ZNF507: variants seen among roughly 807,000 people sequenced by gnomAD.
ZNF507 encodes the protein zinc finger protein 507.
A neutral mutation model predicts 80.0 loss-of-function variants in ZNF507; 29 were observed. The observed-to-expected ratio is 0.36, with a 90% confidence interval of 0.27 to 0.49. The LOEUF (loss-of-function observed/expected upper bound fraction) is 0.49. Ranked by LOEUF, ZNF507 falls within the 20% of genes least tolerant of loss-of-function variation. The pLI is 0.98. For missense variants in ZNF507, 1,081 were observed against 1,152.2 expected (o/e 0.94, Z 0.90); for synonymous variants, 462 against 422.5 (o/e 1.09, Z -1.15).
chr19:32,354,830 A>G lies in ZNF507; in HGVS notation c.2000A>G (p.Gln667Arg). The change falls in exon 3 of 7, where the codon CAG becomes CGG. Residue 667 changes from glutamine to arginine, a missense_variant. This residue lies in a region of ZNF507 where 614 missense variants were observed against 583.9 expected (regional missense o/e 1.05). Transcript: ENST00000355898. ...CACTTACGAGTCCATCGACAGAGAC[A>G]GCCTTATCAGTGTCCTATCTGCGAG... ...KQHLRVHRQR[Q>R]PYQCPICEHI... is the part of the protein sequence containing the mutation. The G allele has an allele frequency of 6.2e-7, 1 of 1,614,212 alleles. No individual in the cohort carries two copies. The highest frequency in any genetic ancestry group is 8.5e-7 in the Non-Finnish European group (1 of 1,180,024).
At chr19:32,355,562 C>T (rs1967240944) in intron 3 of ZNF507, among the ~76,000 whole-genome samples, 1 of 152,158 alleles carries the variant, frequency 6.6e-6, no homozygotes, top group African/African-American at 2.4e-5. Flanking sequence ...CTGACCTTAT[C>T]AAAACCAATA....
At position 32,354,051 on chromosome 19, in the gene ZNF507, A is replaced by G; in HGVS notation, c.1221A>G (p.Glu407=). Residue 407 remains glutamate (E), a synonymous_variant, in exon 3 of 7, where the codon GAA becomes GAG. Transcript: ENST00000355898. ...VIVERLPSAE[E]TLSQKRFLMN... ...TGGAGCGATTGCCAAGTGCTGAAGA[A>G]ACCCTTTCACAGAAGCGCTTCCTCA... The G allele has an allele frequency of 6.2e-7, 1 of 1,614,144 alleles. No homozygotes were observed. The highest frequency in any genetic ancestry group is 8.5e-7 in the Non-Finnish European group (1 of 1,180,032).
Position 32,384,198 on chromosome 19 carries a change from C to G in ZNF507, c.*1115C>G, listed in dbSNP as rs763780366. On this transcript the variant is annotated 3_prime_UTR_variant, in exon 7 of 7. Coordinates refer to ENST00000355898, the MANE Select transcript of ZNF507 (RefSeq NM_001136156.2). ...AGGTTGTTTGTAAAAATTTTAATAA[C>G]AAATAGCATTTGGCAAGTCTATAGG... The G allele has an allele frequency of 3.3e-5, 5 of 152,070 alleles. No homozygotes were observed. Among genetic ancestry groups the G allele is most frequent in the Non-Finnish European group, 7.4e-5 (5 of 68,008 alleles). 9.4% of individuals were successfully genotyped at this position (152,070 alleles called of 1,614,324 possible).
At chr19:32,355,968 C>T (rs1967246155) in intron 3 of ZNF507, among the ~76,000 whole-genome samples, 2 of 152,108 alleles carry the variant, frequency 1.3e-5, no homozygotes, top group Admixed American at 1.3e-4. Flanking sequence ...CGCTGCACTC[C>T]AGCCTGGGCA....
intron 4 of ZNF507, chr19:32,357,136 T>G (rs2145320977): frequency 6.4e-6 from 1 of 157,068 alleles, no homozygotes; most frequent in South Asian, 1.9e-4. Context: ...TAACTGGGGC[T>G]CCCCGCTGTG....
At chr19:32,356,566 G>GT in intron 3 of ZNF507, 50 bp from the exon 4 acceptor site, 1 of 1,345,988 alleles carries the variant, frequency 7.4e-7, no homozygotes. Context: ...CCTCCTAAGA[G>GT]TTGGACATGT....
At chr19:32,351,421 G>C (rs1044078061) in intron 2 of ZNF507, among the ~76,000 whole-genome samples, 1 of 99,488 alleles carries the variant, frequency 1.0e-5, no homozygotes, top group Non-Finnish European at 2.0e-5. Flanking sequence ...CTGGTCAGCT[G>C]TGTGTGTGTG....
chr19:32,360,819 T>A (rs1432383364), intron 5 of ZNF507, among the ~76,000 whole-genome samples: 1 of 152,192 alleles, frequency 6.6e-6, no homozygotes, highest in Non-Finnish European at 1.5e-5. Flanking sequence ...TTGCCCAGGC[T>A]GGAGTGCAGT....
At chr19:32,350,181 T>TAATA (rs1400954231) in intron 2 of ZNF507, among the ~76,000 whole-genome samples, 3 of 150,142 alleles carry the variant, frequency 2.0e-5, no homozygotes, top group African/African-American at 7.4e-5. Context: ...TATACTTTAT[T>TAATA]ATCAGCTGTT....
At chr19:32,380,495 G>T (rs1218696964) in intron 5 of ZNF507, 3 of 1,040,254 alleles carry the variant, frequency 2.9e-6, no homozygotes, top group East Asian at 5.2e-5. Flanking sequence ...TAAATTGGAG[G>T]TGGGTGAGAA....
At chr19:32,376,914 AGG>A (rs1967555132) in intron 5 of ZNF507, among the ~76,000 whole-genome samples, 1 of 152,130 alleles carries the variant, frequency 6.6e-6, no homozygotes, top group African/African-American at 2.4e-5. Flanking sequence ...AGAGAGAGAG[AGG>A]GAGAGAGAGA....
intron 4 of ZNF507, 177 bp downstream of exon 4, chr19:32,356,910 C>G (rs976602274): frequency 8.4e-6 from 5 of 597,408 alleles, no homozygotes; most frequent in Non-Finnish European, 1.5e-5. Flanking sequence ...CTGAATGAAG[C>G]AGATGATTAC....
rs1568311181 is a variant in ZNF507 at position 32,382,955 on chromosome 19, T to G, written c.2734T>G (p.Cys912Gly). The G allele has an allele frequency of 6.2e-7, 1 of 1,614,202 alleles. No homozygotes were observed. Among genetic ancestry groups the G allele is most frequent in the East Asian group, 2.2e-5 (1 of 44,884 alleles). ...PSMEYCVLLF[C>G]CCICGFESTS... ...CATGGAGTACTGCGTTTTACTCTTC[T>G]GCTGTTGTATTTGTGGTTTTGAATC... Residue 912 changes from cysteine (C) to glycine (G), a missense_variant, in exon 7 of 7, where the codon TGC becomes GGC. Transcript: ENST00000355898.
intron 5 of ZNF507, among the ~76,000 whole-genome samples, chr19:32,368,109 C>T (rs1242106549): frequency 1.3e-5 from 2 of 152,196 alleles, no homozygotes; most frequent in Admixed American, 1.3e-4. Flanking sequence ...CTGTGCTACA[C>T]CAGGGAGATC....
At chr19:32,365,401 TC>T (rs1967385375) in intron 5 of ZNF507, among the ~76,000 whole-genome samples, 1 of 152,234 alleles carries the variant, frequency 6.6e-6, no homozygotes, top group African/African-American at 2.4e-5. Flanking sequence ...GGTCATGAAA[TC>T]CTTGCCTACG....
intron 5 of ZNF507, among the ~76,000 whole-genome samples, chr19:32,364,306 T>C (rs959062759): frequency 1.3e-5 from 2 of 152,238 alleles, no homozygotes; most frequent in Admixed American, 6.5e-5. Flanking sequence ...CAATTATAGT[T>C]ATACCTGACA....
chr19:32,374,188 A>ACACACACACT (rs57164942), intron 5 of ZNF507, among the ~76,000 whole-genome samples: 2,877 of 145,794 alleles, frequency 0.02, 87 homozygotes, highest in African/African-American at 0.064. Context: ...ACACACACAC[A>ACACACACACT]CTCTCTCTCT....
At chr19:32,351,932 A>T (rs559229895) in intron 2 of ZNF507, among the ~76,000 whole-genome samples, 12 of 152,186 alleles carry the variant, frequency 7.9e-5, no homozygotes, top group Non-Finnish European at 1.8e-4. Context: ...TGGGTATTTT[A>T]TGTTTAGTGA....
intron 4 of ZNF507, chr19:32,359,104 C>T (rs1967288720): frequency 6.6e-6 from 1 of 152,150 alleles, no homozygotes; most frequent in South Asian, 2.1e-4. Flanking sequence ...TTTCACACTT[C>T]ATTTTTTAGG....
Sources: gnomAD v4.1 joint callset for allele counts (sites outside exome capture counted in the v4.1 genomes callset) on GRCh38, gnomAD v4.1.1 for gene constraint, gnomAD v4.1.1 regional missense constraint, MANE v1.5 for transcripts, NCBI Gene and HGNC (gene_info 2026-07-23, HGNC 2026-07-21) for gene names.